The following SUMF2 variants were observed in gnomAD, a reference collection of about 807,000 sequenced individuals.
SUMF2 encodes the protein sulfatase modifying factor 2.
In SUMF2, 45 loss-of-function variants were observed where a neutral mutation model predicts 44.8. The ratio of observed to expected loss-of-function variants is 1.00; its 90% CI spans 0.79 to 1.29. The LOEUF (loss-of-function observed/expected upper bound fraction) is 1.29, where lower values mean the gene tolerates loss of function less well. Among genes scored for constraint, SUMF2 ranks in the 50% most tolerant of loss-of-function variants. The pLI, the probability that SUMF2 is intolerant of heterozygous loss-of-function variation, is 0.00. For missense variants in SUMF2, 418 were observed against 389.9 expected, an observed-to-expected ratio of 1.07 and a Z score of -0.61; for synonymous variants, 148 against 150.4, an observed-to-expected ratio of 0.98 and a Z score of 0.12.
In SUMF2 at chr7:56,078,180, A is replaced by T. The variant is rs754042441; in HGVS notation, c.670A>T (p.Asn224Tyr). ...SPVNAFPAQNNYGLYDLLGNV... is the reference protein window; with the variant it reads ...SPVNAFPAQNYYGLYDLLGNV... ...AGTGAATGCTTTCCCCGCCCAGAAC[A>T]ACTACGGTAAGAGCTGTCTTGGGCT... The change falls in exon 7 of 9, where the codon AAC (asparagine) becomes TAC (tyrosine). Residue 224 changes from asparagine (N) to tyrosine (Y), a missense_variant. By Grantham distance (143) the Asn-to-Tyr change is moderately radical. Transcript: ENST00000434526. The T allele has an allele frequency of 2.5e-6, 4 of 1,611,060 alleles. No individual in the cohort carries two copies. Among genetic ancestry groups the T allele is most frequent in the Non-Finnish European group, 3.4e-6 (4 of 1,177,626 alleles).
chr7:56,064,882 CAAAAAAAAAAAAA>C (rs71015175), intron 1 of SUMF2, among the ~76,000 whole-genome samples: 2 of 14,312 alleles, frequency 1.4e-4, no homozygotes, highest in East Asian at 2.8e-3. Context: ...TACTTTATCT[CAAAAAAAAAAAAA>C]AAAAAAAAAA....
chr7:56,074,175 CTG>C lies in SUMF2; in HGVS notation c.343_344del (p.Val115ThrfsTer36). 1.9e-6 allele frequency: 3 copies of C among 1,614,048 alleles called. No individual in the cohort carries two copies. Among genetic ancestry groups the C allele is most frequent in the South Asian group, 2.2e-5 (2 of 91,068 alleles). On this transcript the variant is annotated frameshift_variant and splice_region_variant, in exon 4 of 9. Transcript: ENST00000434526. LOFTEE classifies it high-confidence loss of function. ...AGTCGGTCTCCTTCTTTTTCGCAGT[CTG>C]TACTCTGGTGGCTTCCAGTGGAAAA...
In SUMF2 at chr7:56,080,026, C is replaced by T. The variant is rs1267976894; in HGVS notation, c.*414C>T. On this transcript the variant is annotated 3_prime_UTR_variant, in exon 9 of 9. Coordinates refer to ENST00000434526, the MANE Select transcript of SUMF2 (RefSeq NM_015411.4). ...CAGAATTTTCCTGGTTCTGTTTTCT[C>T]AGCCAGTTGCTGTGGAAGGAGAATG... 1.4e-6 allele frequency: 1 copy of T among 731,830 alleles called. No homozygotes were observed. Among genetic ancestry groups the T allele is most frequent in the East Asian group, 2.7e-5 (1 of 36,510 alleles). The allele number at this position is 731,830 out of a possible 1,614,324, so 45.3% of individuals were successfully genotyped here.
chr7:56,068,869 AT>A lies in SUMF2; in HGVS notation c.224+244del, dbSNP rs879521418. On this transcript the variant is annotated intron_variant, in intron 2 of 8. Coordinates refer to ENST00000434526, the MANE Select transcript of SUMF2 (RefSeq NM_015411.4). ...AGGTGTTCACCACCACGCCCGGCTA[AT>A]TTTTTTTTTTTTGTATTTTTTTAGT... Among the ~76,000 whole-genome samples, 685 of 143,218 alleles carry A rather than the reference AT, an allele frequency of 4.8e-3. 3 individuals carry two copies. The highest frequency in any genetic ancestry group is 0.012 in the African/African-American group (473 of 39,370). The allele number at this position is 143,218 out of a possible 152,430, so 94.0% of individuals were successfully genotyped here. A position where few individuals can be genotyped will look rare whatever the true frequency, so the allele number is the denominator to read the frequency against.
the SUMF2 span, chr7:56,086,765 G>A: frequency 3.5e-6 from 2 of 574,600 alleles, no homozygotes; most frequent in East Asian, 5.7e-5. Context: ...AAGATTTAAA[G>A]AAATGATCCA....
At chr7:56,067,584 A>T (rs1562859019) in intron 1 of SUMF2, among the ~76,000 whole-genome samples, 1 of 151,820 alleles carries the variant, frequency 6.6e-6, no homozygotes. Context: ...AGATATCCCC[A>T]TTTTTCAGAT....
chr7:56,079,125 T>C, intron 8 of SUMF2: 1 of 478,860 alleles, frequency 2.1e-6, no homozygotes, highest in Non-Finnish European at 3.7e-6. Context: ...CAGCCCGCCT[T>C]GGCCTCCCAG....
At chr7:56,083,338 T>A, downstream of SUMF2, 1 of 1,614,138 alleles carries the variant, frequency 6.2e-7, no homozygotes, top group Non-Finnish European at 8.5e-7. Flanking sequence ...AGCTTGATGT[T>A]CATGTTGTCA....
At chr7:56,075,038 C>T (rs1343544828) in intron 5 of SUMF2, among the ~76,000 whole-genome samples, 1 of 151,986 alleles carries the variant, frequency 6.6e-6, no homozygotes, top group Non-Finnish European at 1.5e-5. Context: ...TTCAAAGCTG[C>T]GGCGAGCTAT....
At chr7:56,065,621 GGGGGGCA>G (rs1376782770) in intron 1 of SUMF2, among the ~76,000 whole-genome samples, 1 of 151,856 alleles carries the variant, frequency 6.6e-6, no homozygotes, top group African/African-American at 2.4e-5. Flanking sequence ...TTGGTGGGGC[GGGGGGCA>G]AGGTCTCGAC....
At chr7:56,071,785 A>AAAATAAATAAAT (rs71015179) in intron 2 of SUMF2, among the ~76,000 whole-genome samples, 5,900 of 145,142 alleles carry the variant, frequency 0.041, 218 homozygotes, top group East Asian at 0.19. Context: ...ACTCCGTCTA[A>AAAATAAATAAAT]AAATAAATAA....
At chr7:56,074,014 CAAAAAAAAAA>C (rs56927689) in intron 3 of SUMF2, 150 bp from the exon 4 acceptor site, 563 of 320,678 alleles carry the variant, frequency 1.8e-3, no homozygotes, top group African/African-American at 9.2e-3. Context: ...GATCTTGTCT[CAAAAAAAAAA>C]AAAAAAAAAA....
At chr7:56,076,955 T>A in intron 6 of SUMF2, 66 bp downstream of exon 6, 12 of 1,502,750 alleles carry the variant, frequency 8.0e-6, no homozygotes, top group Non-Finnish European at 1.1e-5. Flanking sequence ...GGCACTGTGT[T>A]GTTAGGCCGC....
intron 2 of SUMF2, among the ~76,000 whole-genome samples, chr7:56,072,121 CAAAAAAAA>C (rs35164639): frequency 1.9e-5 from 1 of 52,788 alleles, no homozygotes; most frequent in African/African-American, 7.0e-5. Flanking sequence ...GACTCTGTCT[CAAAAAAAA>C]AAAAAAAAAA....
At chr7:56,073,233 A>G in intron 3 of SUMF2, 122 bp downstream of exon 3, 1 of 770,314 alleles carries the variant, frequency 1.3e-6, no homozygotes, top group Non-Finnish European at 2.3e-6. Context: ...GGCAGAGGGG[A>G]AGCAAGAGAA....
intron 2 of SUMF2, 147 bp from the exon 3 acceptor site, chr7:56,072,850 C>G (rs1584585705): frequency 3.3e-6 from 2 of 600,014 alleles, no homozygotes; most frequent in Admixed American, 3.0e-5. Flanking sequence ...GAAAATCACT[C>G]AGGCTTCAGG....
chr7:56,087,551 G>GA, the SUMF2 span: 1 of 1,580,150 alleles, frequency 6.3e-7, no homozygotes, highest in Admixed American at 1.7e-5. Context: ...TGTCAGGGCA[G>GA]AATCACAGGG....
At chr7:56,079,174 G>A (rs1795800350) in intron 8 of SUMF2, 5 of 499,290 alleles carry the variant, frequency 1.0e-5, no homozygotes, top group African/African-American at 1.9e-5. Flanking sequence ...GCACCCGGCC[G>A]TGATATTCTC....
intron 8 of SUMF2, among the ~76,000 whole-genome samples, 176 bp downstream of exon 8, chr7:56,078,684 C>T (rs771800696): frequency 1.3e-5 from 2 of 152,170 alleles, no homozygotes; most frequent in African/African-American, 2.4e-5. Context: ...GCCAGCAGCA[C>T]TTGCTATGAA....
Sources: allele counts gnomAD v4.1 joint callset (sites outside exome capture counted in the v4.1 genomes callset), GRCh38; gene constraint gnomAD v4.1.1; transcripts MANE v1.5; gene names NCBI Gene and HGNC (gene_info 2026-07-23, HGNC 2026-07-21).